The following DNAH6 variants were observed in gnomAD, a reference collection of about 807,000 sequenced individuals.
DNAH6 encodes axonemal beta dynein heavy chain 6.
DNAH6 carries 340 observed loss-of-function variants against 491.4 expected under a neutral mutation model. That is an observed-to-expected ratio of 0.69 (90% CI 0.63 to 0.76). The LOEUF (loss-of-function observed/expected upper bound fraction) is 0.76, where lower values mean the gene tolerates loss of function less well. Ranked by LOEUF, DNAH6 falls within the 30% of genes least tolerant of loss-of-function variation. The pLI, the probability that DNAH6 is intolerant of heterozygous loss-of-function variation, is 0.00. For synonymous variants in DNAH6, 1,603 were observed against 1,686.1 expected, an observed-to-expected ratio of 0.95 and a Z score of 1.21; for missense variants, 4,443 against 4,972.2, an observed-to-expected ratio of 0.89 and a Z score of 3.20.
intron 35 of DNAH6, among the ~76,000 whole-genome samples, chr2:84,655,041 C>T (rs1558861316): frequency 6.6e-6 from 1 of 152,030 alleles, no homozygotes; most frequent in Non-Finnish European, 1.5e-5. Flanking sequence ...GGCTTCTCCC[C>T]AGACTAGAAA....
chr2:84,671,339 G>A lies in DNAH6; in HGVS notation c.6454+864G>A, dbSNP rs564953269. Among the ~76,000 whole-genome samples, 6 of 152,264 alleles carry A rather than the reference G, an allele frequency of 3.9e-5. No individual in the cohort carries two copies. The East Asian group carries it at 1.2e-3, about 29-fold the overall frequency. On this transcript the variant is annotated intron_variant, in intron 39 of 76. Transcript: ENST00000389394. ...ACTGGAAGTTTCCCTGAGGGTGGGA[G>A]TCAGGACCTCAGCCCTCACTCTCCA...
chr2:84,739,650 A>G (rs1672329889), intron 62 of DNAH6, among the ~76,000 whole-genome samples: 4 of 152,128 alleles, frequency 2.6e-5, no homozygotes, highest in African/African-American at 9.7e-5. Flanking sequence ...TAAGGCTTCC[A>G]TTTGTATTTT....
intron 21 of DNAH6, 42 bp from the exon 22 acceptor site, chr2:84,611,632 T>C (rs1344013715): frequency 1.4e-6 from 2 of 1,480,742 alleles, no homozygotes; most frequent in Admixed American, 4.0e-5. Flanking sequence ...ATGTTTTTAA[T>C]TGGGGAATTA....
At chr2:84,496,120 C>T in the DNAH6 span, among the ~76,000 whole-genome samples, 1 of 152,210 alleles carries the variant, frequency 6.6e-6, no homozygotes, top group Non-Finnish European at 1.5e-5. Context: ...ACCTAACCCA[C>T]TGCCACCTTT....
At chr2:84,671,383 C>T (rs374644764) in intron 39 of DNAH6, among the ~76,000 whole-genome samples, 91 of 152,292 alleles carry the variant, frequency 6.0e-4, no homozygotes, top group African/African-American at 1.9e-3. Context: ...TCTGCACCCT[C>T]TTGCAGCTGG....
Position 84,653,498 on chromosome 2 carries a change from G to A in DNAH6, c.5258G>A (p.Gly1753Glu). 6.4e-7 allele frequency: 1 copy of A among 1,551,246 alleles called. No individual in the cohort carries two copies. Among genetic ancestry groups the A allele is most frequent in the Non-Finnish European group, 8.7e-7 (1 of 1,146,720 alleles). ...MLVRHGVMLV[G>E]PTGGGKTTVY... Reference sequence around the variant, plus strand: ...GTAAGGCATGGTGTTATGTTAGTCGGGCCAACAGGAGGCGGCAAGACCACA... The same window carrying A: ...GTAAGGCATGGTGTTATGTTAGTCGAGCCAACAGGAGGCGGCAAGACCACA... Residue 1753 changes from glycine to glutamate, a missense_variant, in exon 34 of 77, where the codon GGG becomes GAG. Transcript: ENST00000389394.
chr2:84,758,128 C>A (rs1270135603), intron 63 of DNAH6, among the ~76,000 whole-genome samples: 1 of 152,082 alleles, frequency 6.6e-6, no homozygotes, highest in Non-Finnish European at 1.5e-5. Context: ...CACTGAGAAC[C>A]AAGATCACTA....
chr2:84,525,080 A>T (rs1036657510), intron 2 of DNAH6, among the ~76,000 whole-genome samples: 1 of 152,086 alleles, frequency 6.6e-6, no homozygotes, highest in African/African-American at 2.4e-5. Context: ...TCACTTTATT[A>T]TGTTAAAAGC....
intron 62 of DNAH6, among the ~76,000 whole-genome samples, chr2:84,741,111 T>A (rs1457106456): frequency 6.6e-6 from 1 of 152,036 alleles, no homozygotes; most frequent in Non-Finnish European, 1.5e-5. Context: ...CAAGTCTCAG[T>A]CTCATAGCAG....
chr2:84,521,053 A>C (rs1293383515), intron 2 of DNAH6, among the ~76,000 whole-genome samples: 5 of 152,054 alleles, frequency 3.3e-5, no homozygotes, highest in African/African-American at 1.2e-4. Flanking sequence ...ATTACAAATA[A>C]ATACAATACT....
In DNAH6 at chr2:84,624,389, A is replaced by G. The variant is rs1282493779; in HGVS notation, c.4196A>G (p.Lys1399Arg). 1.9e-6 allele frequency: 3 copies of G among 1,550,214 alleles called. No homozygotes were observed. In the African/African-American group the frequency reaches 4.1e-5, roughly 21 times the overall value. The change falls in exon 27 of 77, where the codon AAG (lysine) becomes AGG (arginine). Residue 1399 changes from lysine to arginine, a missense_variant and splice_region_variant. By Grantham distance (26) the Lys-to-Arg change is conservative. Around this residue, in one of 3 missense-constraint regions of DNAH6, gnomAD observed 2,977 missense variants for 3,296.6 expected, o/e 0.90. Transcript: ENST00000389394. ...RDIVTELVQSKVETVESFDWQ... is the reference protein window; with the variant it reads ...RDIVTELVQSRVETVESFDWQ... ...ATAGTCACTGAACTTGTTCAATCCA[A>G]GGTAACTGTTTCATTTAAGTAAAAT...
chr2:84,586,764 G>A (rs991652120), intron 15 of DNAH6, among the ~76,000 whole-genome samples: 1 of 152,126 alleles, frequency 6.6e-6, no homozygotes, highest in Non-Finnish European at 1.5e-5. Context: ...ACTAAATGGA[G>A]GAATCTGGAT....
chr2:84,568,716 CTTAAAA>C (rs1367396110), intron 11 of DNAH6, among the ~76,000 whole-genome samples: 13 of 152,098 alleles, frequency 8.5e-5, no homozygotes, highest in Non-Finnish European at 1.3e-4. Flanking sequence ...CATCCTGGAA[CTTAAAA>C]TTTAATTTAA....
chr2:84,582,818 T>C (rs1683164527), intron 14 of DNAH6, among the ~76,000 whole-genome samples: 1 of 152,228 alleles, frequency 6.6e-6, no homozygotes, highest in Non-Finnish European at 1.5e-5. Flanking sequence ...GAGAACTATT[T>C]CTCTAAAAGC....
chr2:84,780,827 A>G (rs1486658920), intron 64 of DNAH6, among the ~76,000 whole-genome samples: 1 of 150,966 alleles, frequency 6.6e-6, no homozygotes, highest in Non-Finnish European at 1.5e-5. Context: ...ACTGTGGTGT[A>G]TGTTGTGTAT....
intron 33 of DNAH6, among the ~76,000 whole-genome samples, chr2:84,652,896 G>C (rs756683083): frequency 1.5e-4 from 22 of 151,584 alleles, no homozygotes; most frequent in Non-Finnish European, 2.2e-4. Flanking sequence ...GTGATTTTAG[G>C]AAAAGTTGAG....
In DNAH6 at chr2:84,787,144, A is replaced by ATTTTCAT; in HGVS notation, c.11101-9_11101-3dup. 1 of 1,468,462 alleles carries ATTTTCAT rather than the reference A, an allele frequency of 6.8e-7. No homozygotes were observed. The highest frequency in any genetic ancestry group is 9.1e-7 in the Non-Finnish European group (1 of 1,103,804). The allele number at this position is 1,468,462 out of a possible 1,614,324, so 91.0% of individuals were successfully genotyped here. ...ATTTTATCAAATTTTATTTCAGATC[A>ATTTTCAT]TTTTCATTTTTCATTTTAGGAGAGA... is the stretch of plus-strand genomic sequence containing the variant. On this transcript the variant is annotated intron_variant, in intron 67 of 76. Transcript: ENST00000389394.
chr2:84,809,273 A>G (rs573660347), intron 72 of DNAH6, among the ~76,000 whole-genome samples: 1 of 152,330 alleles, frequency 6.6e-6, no homozygotes, highest in South Asian at 2.1e-4. Context: ...TAAGCAGGGA[A>G]CCAAACACCT....
At chr2:84,574,002 G>C (rs1188369599) in intron 12 of DNAH6, among the ~76,000 whole-genome samples, 1 of 152,096 alleles carries the variant, frequency 6.6e-6, no homozygotes, top group Admixed American at 6.6e-5. Flanking sequence ...TGGTGGGTGT[G>C]AATCAACAAC....
Sources: gnomAD v4.1 joint callset for allele counts (sites outside exome capture counted in the v4.1 genomes callset) on GRCh38, gnomAD v4.1.1 for gene constraint, gnomAD v4.1.1 regional missense constraint, MANE v1.5 for transcripts, NCBI Gene and HGNC (gene_info 2026-07-23, HGNC 2026-07-21) for gene names.